The following CHODL variants were observed in gnomAD, a reference collection of about 807,000 sequenced individuals.
CHODL encodes transmembrane protein MT75.
CHODL carries 29 observed loss-of-function variants against 34.5 expected under a neutral mutation model. The ratio of observed to expected loss-of-function variants is 0.84; its 90% CI spans 0.63 to 1.15. CHODL has a LOEUF of 1.15. Among genes scored for constraint, CHODL ranks in the 50% most tolerant of loss-of-function variants. CHODL has a pLI of 0.00. For synonymous variants in CHODL, 125 were observed against 116.1 expected (o/e 1.08, Z -0.49); for missense variants, 332 against 332.5 (o/e 1.00, Z 0.01).
intron 2 of CHODL, among the ~76,000 whole-genome samples, chr21:18,130,519 A>G (rs1176239899): frequency 2.0e-5 from 3 of 152,206 alleles, no homozygotes; most frequent in Non-Finnish European, 4.4e-5. Flanking sequence ...AGTCAGAGGG[A>G]TAACAGGGCT....
chr21:18,196,265 T>C (rs1365992980), intron 2 of CHODL, among the ~76,000 whole-genome samples: 1 of 152,244 alleles, frequency 6.6e-6, no homozygotes, highest in Non-Finnish European at 1.5e-5. Flanking sequence ...TGGTATGTTA[T>C]ACACTATATC....
intron 1 of CHODL, among the ~76,000 whole-genome samples, chr21:17,924,817 T>C (rs2063210573): frequency 1.3e-5 from 2 of 152,200 alleles, no homozygotes; most frequent in Non-Finnish European, 2.9e-5. Flanking sequence ...ATATCCACCT[T>C]GTAAAACCAA....
At chr21:18,263,799 T>G (rs2074411623) in intron 5 of CHODL, among the ~76,000 whole-genome samples, 1 of 152,110 alleles carries the variant, frequency 6.6e-6, no homozygotes, top group African/African-American at 2.4e-5. Context: ...ATCTTCTTCT[T>G]TTTCTGAAAT....
chr21:18,004,921 T>C (rs2063945995), intron 1 of CHODL, among the ~76,000 whole-genome samples: 1 of 152,226 alleles, frequency 6.6e-6, no homozygotes, highest in East Asian at 1.9e-4. Flanking sequence ...TTACCACTAT[T>C]GCCAATGATG....
At chr21:18,111,127 C>G (rs2065345818) in intron 2 of CHODL, among the ~76,000 whole-genome samples, 1 of 152,080 alleles carries the variant, frequency 6.6e-6, no homozygotes, top group African/African-American at 2.4e-5. Flanking sequence ...GAGAGAGATA[C>G]CAGAAAGTGA....
At chr21:18,100,001 G>A (rs928812239) in intron 2 of CHODL, 1 of 152,196 alleles carries the variant, frequency 6.6e-6, no homozygotes, top group Non-Finnish European at 1.5e-5. Flanking sequence ...TTGGAGTACT[G>A]TGCTAGACTG....
chr21:17,959,054 AC>A (rs2063513533), intron 1 of CHODL, among the ~76,000 whole-genome samples: 1 of 151,934 alleles, frequency 6.6e-6, no homozygotes, highest in African/African-American at 2.4e-5. Flanking sequence ...GGATATAATT[AC>A]CCCCGCTAAA....
At chr21:18,180,714 A>G (rs915249037) in intron 2 of CHODL, among the ~76,000 whole-genome samples, 2 of 152,224 alleles carry the variant, frequency 1.3e-5, no homozygotes, top group East Asian at 1.9e-4. Context: ...GTGATCAAAC[A>G]GGGTGTTTTA....
chr21:17,992,048 CCA>C lies in CHODL; in HGVS notation c.-144-35823_-144-35822del, dbSNP rs370666344. On this transcript the variant is annotated intron_variant, in intron 1 of 6. Coordinates refer to the CHODL transcript ENST00000400127. Reference sequence around the variant, plus strand: ...GTTTCATTCCTCTGCATATTGATATCCAGTTTTCCCAGCACCAGTTATTGAAG... The same window carrying C: ...GTTTCATTCCTCTGCATATTGATATCGTTTTCCCAGCACCAGTTATTGAAG... Among the ~76,000 whole-genome samples the C allele has an allele frequency of 3.3e-4, 50 of 152,204 alleles. 1 individual carries two copies. Among genetic ancestry groups the C allele is most frequent in the African/African-American group, 1.2e-3 (49 of 41,550 alleles).
At position 18,157,224 on chromosome 21, in the gene CHODL, G is replaced by C. The variant is rs200205835; in HGVS notation, c.-44-99285G>C. ...CAAGGATCTGTGAGATGGAAGATAC[G>C]TTGTGGGTATCTCTGGAAACACAAT... On this transcript the variant is annotated intron_variant, in intron 2 of 6. Coordinates refer to the CHODL transcript ENST00000400127. 3.9e-5 allele frequency among the ~76,000 whole-genome samples: 6 copies of C among 152,270 alleles called. No individual in the cohort carries two copies. The East Asian group carries it at 1.2e-3, about 29-fold the overall frequency.
chr21:18,135,262 A>G (rs2146600537), intron 2 of CHODL, among the ~76,000 whole-genome samples: 1 of 152,240 alleles, frequency 6.6e-6, no homozygotes. Flanking sequence ...AATTCTGTTA[A>G]TTTAATTTCC....
chr21:18,062,531 C>T lies in CHODL; in HGVS notation c.-45+34560C>T, dbSNP rs1189256219. Among the ~76,000 whole-genome samples, 5 of 152,064 alleles carry T rather than the reference C, an allele frequency of 3.3e-5. No individual in the cohort carries two copies. In the East Asian group the frequency reaches 7.8e-4, roughly 24 times the overall value. ...CTGTAATCCCAGCACTTTGGGAAGC[C>T]GAGGTGGGCTGATCACTTGAGGTCA... On this transcript the variant is annotated intron_variant, in intron 2 of 6. Coordinates refer to the CHODL transcript ENST00000400127.
At chr21:18,019,146 T>C (rs1031002568) in intron 1 of CHODL, among the ~76,000 whole-genome samples, 1 of 152,236 alleles carries the variant, frequency 6.6e-6, no homozygotes, top group African/African-American at 2.4e-5. Context: ...TTGCTACATA[T>C]TAAGATATCA....
intron 1 of CHODL, among the ~76,000 whole-genome samples, chr21:17,987,341 T>A (rs1007381653): frequency 6.6e-6 from 1 of 152,210 alleles, no homozygotes; most frequent in Non-Finnish European, 1.5e-5. Context: ...CTTCAAAATA[T>A]CTTTTTCTCA....
chr21:18,229,261 A>G (rs2073957697), intron 2 of CHODL, among the ~76,000 whole-genome samples: 1 of 152,184 alleles, frequency 6.6e-6, no homozygotes, highest in African/African-American at 2.4e-5. Flanking sequence ...TGTATTCGTA[A>G]GATTTTCTGT....
At chr21:17,948,794 T>C (rs1274043364) in intron 1 of CHODL, among the ~76,000 whole-genome samples, 3 of 152,064 alleles carry the variant, frequency 2.0e-5, no homozygotes. Flanking sequence ...GCCCCAAACT[T>C]GATTGCTTTA....
At chr21:18,135,011 T>G (rs143989074) in intron 2 of CHODL, among the ~76,000 whole-genome samples, 121 of 152,332 alleles carry the variant, frequency 7.9e-4, no homozygotes, top group African/African-American at 2.8e-3. Context: ...AATAGTAAAT[T>G]TTACCACTGA....
intron 2 of CHODL, among the ~76,000 whole-genome samples, chr21:18,184,203 T>C (rs2073414363): frequency 6.6e-6 from 1 of 152,154 alleles, no homozygotes; most frequent in Non-Finnish European, 1.5e-5. Flanking sequence ...CGATTTTGAG[T>C]AAAGTAGGTA....
intron 2 of CHODL, among the ~76,000 whole-genome samples, chr21:18,161,779 A>C (rs2073098310): frequency 6.6e-6 from 1 of 152,174 alleles, no homozygotes; most frequent in Non-Finnish European, 1.5e-5. Flanking sequence ...ATTTGTACTG[A>C]AACTTTCATC....
Sources: allele counts gnomAD v4.1 joint callset (sites outside exome capture counted in the v4.1 genomes callset), GRCh38; gene constraint gnomAD v4.1.1; transcripts MANE v1.5; gene names NCBI Gene and HGNC (gene_info 2026-07-23, HGNC 2026-07-21).